Variants in ERP44 observed in about 807,000 individuals in gnomAD.
ERP44 encodes endoplasmic reticulum protein 44, also known as endoplasmic reticulum resident protein 44.
ERP44 carries 25 observed loss-of-function variants against 53.4 expected under a neutral mutation model. The ratio of observed to expected loss-of-function variants is 0.47; its 90% CI spans 0.34 to 0.65. ERP44 has a LOEUF of 0.65. Among genes scored for constraint, ERP44 ranks in the 30% least tolerant of loss-of-function variants. The probability of loss-of-function intolerance (pLI) is 0.01; values close to 1 mark genes in which losing one functional copy is unlikely to be tolerated. For synonymous variants in ERP44, 145 were observed against 161.2 expected, an observed-to-expected ratio of 0.90 and a Z score of 0.76; for missense variants, 338 against 493.2, an observed-to-expected ratio of 0.69 and a Z score of 2.98.
At chr9:100,018,376 G>C (rs1440999924) in intron 6 of ERP44, 63 bp from the exon 7 acceptor site, 1 of 918,496 alleles carries the variant, frequency 1.1e-6, no homozygotes, top group Non-Finnish European at 1.8e-6. Context: ...AGGAATTACA[G>C]ACTTGAAATA....
At chr9:100,003,493 C>T (rs761601228) in intron 10 of ERP44, among the ~76,000 whole-genome samples, 1 of 152,236 alleles carries the variant, frequency 6.6e-6, no homozygotes, top group Non-Finnish European at 1.5e-5. Flanking sequence ...TCTAGTCCAG[C>T]TGCCTGCTAT....
Position 99,990,913 on chromosome 9 carries a change from CAAAG to C in ERP44, c.1017-5848_1017-5845del, listed in dbSNP as rs1020520435. ...TTAAACCAACAAAGATCAAAAGAGA[CAAAG>C]AAGGCCATTACATAATGGTAAAGGG... On this transcript the variant is annotated intron_variant, in intron 10 of 11. Transcript: ENST00000262455. Among the ~76,000 whole-genome samples the C allele has an allele frequency of 7.9e-5, 12 of 152,220 alleles. No homozygotes were observed. In the East Asian group the frequency reaches 1.3e-3, roughly 17 times the overall value.
chr9:99,980,035 C>G lies in ERP44; in HGVS notation c.*2577G>C, dbSNP rs1830132025. ...GAACTTTTTTCTCTAATGCATTAGG[C>G]TGTTTCATACCTTTGCTCAGATTAT... On this transcript the variant is annotated 3_prime_UTR_variant, in exon 12 of 12. Transcript: ENST00000262455. 2.5e-6 allele frequency: 1 copy of G among 398,456 alleles called. No individual in the cohort carries two copies. Among genetic ancestry groups the G allele is most frequent in the Non-Finnish European group, 4.4e-6 (1 of 226,036 alleles). 24.7% of individuals were successfully genotyped at this position (398,456 alleles called of 1,614,324 possible). A position where few individuals can be genotyped will look rare whatever the true frequency, so the allele number is the denominator to read the frequency against.
intron 1 of ERP44, among the ~76,000 whole-genome samples, chr9:100,097,577 A>G (rs954489382): frequency 2.0e-5 from 3 of 152,254 alleles, no homozygotes; most frequent in African/African-American, 7.2e-5. Flanking sequence ...TTGTATACTT[A>G]TAAGAAGTGG....
intron 10 of ERP44, chr9:99,998,450 C>T: frequency 1.5e-6 from 1 of 663,500 alleles, no homozygotes; most frequent in Non-Finnish European, 2.8e-6. Flanking sequence ...GGGTGCCGGA[C>T]CGTCATCACA....
chr9:99,985,780 C>G (rs1830190355), intron 10 of ERP44, among the ~76,000 whole-genome samples: 1 of 152,168 alleles, frequency 6.6e-6, no homozygotes, highest in African/African-American at 2.4e-5. Flanking sequence ...CATTGGATAG[C>G]TTAATATTGT....
intron 1 of ERP44, among the ~76,000 whole-genome samples, chr9:100,092,462 T>C (rs1318844487): frequency 6.6e-6 from 1 of 152,198 alleles, no homozygotes; most frequent in African/African-American, 2.4e-5. Flanking sequence ...GCTTACGTTA[T>C]AGACAAGAAA....
At chr9:100,025,750 TC>T (rs1292083332) in intron 4 of ERP44, among the ~76,000 whole-genome samples, 30 of 152,250 alleles carry the variant, frequency 2.0e-4, no homozygotes, top group African/African-American at 7.2e-4. Flanking sequence ...TGCTATCACT[TC>T]TATATAATAC....
intron 10 of ERP44, among the ~76,000 whole-genome samples, chr9:100,004,424 C>G (rs570044590): frequency 6.6e-6 from 1 of 152,140 alleles, no homozygotes; most frequent in Non-Finnish European, 1.5e-5. Flanking sequence ...AGGCCTCGGG[C>G]CTGCAGCTTT....
rs376713756 is a variant in ERP44, at chr9:100,070,799, G to A, written c.58-10627C>T. ...CCATGAGGATGCAAGCTGCCATATC[G>A]GATGACAGGAAATTTTACAGAAAAC... On this transcript the variant is annotated intron_variant, in intron 1 of 11. Transcript: ENST00000262455. Among the ~76,000 whole-genome samples the A allele has an allele frequency of 7.9e-5, 12 of 152,218 alleles. No homozygotes were observed. The South Asian group carries it at 1.0e-3, about 13-fold the overall frequency.
At chr9:100,028,163 G>C (rs1455978466) in intron 4 of ERP44, among the ~76,000 whole-genome samples, 1 of 152,214 alleles carries the variant, frequency 6.6e-6, no homozygotes, top group Non-Finnish European at 1.5e-5. Context: ...GAGTAACTCA[G>C]GTATATGGGT....
chr9:100,037,173 GAGA>G (rs1335782863), intron 4 of ERP44, among the ~76,000 whole-genome samples: 2 of 152,180 alleles, frequency 1.3e-5, no homozygotes, highest in African/African-American at 4.8e-5. Flanking sequence ...CAGTGATTGG[GAGA>G]AGGAGAGCAC....
chr9:100,027,188 G>C (rs985650378), intron 4 of ERP44, among the ~76,000 whole-genome samples: 1 of 152,210 alleles, frequency 6.6e-6, no homozygotes, highest in Non-Finnish European at 1.5e-5. Context: ...AGGGAGACTA[G>C]TACTGTAATA....
chr9:99,986,858 T>C lies in ERP44; in HGVS notation c.1017-1789A>G, dbSNP rs142465460. On this transcript the variant is annotated intron_variant, in intron 10 of 11. Transcript: ENST00000262455. ...GAGATAAACATTGAGAGGAGATCAA[T>C]TTAAATTTAATCTGACATCATCTAC... Among the ~76,000 whole-genome samples, 534 of 152,316 alleles carry C rather than the reference T, an allele frequency of 3.5e-3. 2 individuals are homozygous for C. The highest frequency in any genetic ancestry group is 0.012 in the African/African-American group (480 of 41,570).
chr9:100,087,710 A>C (rs1534726), intron 1 of ERP44, among the ~76,000 whole-genome samples: 102,947 of 152,010 alleles, frequency 0.68, 36,097 homozygotes, highest in East Asian at 0.91. Context: ...AATACATCTA[A>C]GCATGTGGTA....
chr9:100,050,233 A>G (rs946064540), intron 4 of ERP44, among the ~76,000 whole-genome samples: 1 of 152,144 alleles, frequency 6.6e-6, no homozygotes, highest in South Asian at 2.1e-4. Context: ...GCTATGCTCA[A>G]TATCTTGATT....
At chr9:100,093,651 GAA>G (rs34247708) in intron 1 of ERP44, among the ~76,000 whole-genome samples, 19 of 150,830 alleles carry the variant, frequency 1.3e-4, no homozygotes, top group African/African-American at 3.9e-4. Context: ...TGTGGGGGGG[GAA>G]AAAAAAAGAA....
chr9:99,986,846 A>G (rs1830199749), intron 10 of ERP44, among the ~76,000 whole-genome samples: 1 of 152,206 alleles, frequency 6.6e-6, no homozygotes, highest in Non-Finnish European at 1.5e-5. Context: ...ATAAACATTG[A>G]GAGGAGATCA....
At chr9:100,034,333 C>T (rs1825827015) in intron 4 of ERP44, among the ~76,000 whole-genome samples, 1 of 152,062 alleles carries the variant, frequency 6.6e-6, no homozygotes. Flanking sequence ...TGACAGTTTA[C>T]AAATGACACG....
Sources: gnomAD v4.1 joint callset for allele counts (sites outside exome capture counted in the v4.1 genomes callset) on GRCh38, gnomAD v4.1.1 for gene constraint, MANE v1.5 for transcripts, NCBI Gene and HGNC (gene_info 2026-07-23, HGNC 2026-07-21) for gene names.